VAMP5: variants seen among roughly 807,000 people sequenced by gnomAD.
VAMP5 encodes vesicle associated membrane protein 5.
Under a neutral mutation model 8.1 loss-of-function variants are expected in VAMP5, and 10 were observed. That is an observed-to-expected ratio of 1.23 (90% confidence interval 0.76 to 2.09). VAMP5 has a LOEUF of 2.09. Ranked by LOEUF, VAMP5 falls within the 30% of genes most tolerant of loss-of-function variation. The pLI, the probability that VAMP5 is intolerant of heterozygous loss-of-function variation, is 0.00. For synonymous variants in VAMP5, 62 were observed against 60.6 expected (o/e 1.02, Z -0.11); for missense variants, 135 against 152.5 (o/e 0.89, Z 0.60).
At chr2:85,591,675 A>G in intron 1 of VAMP5, 50 bp from the exon 2 acceptor site, 1 of 1,612,176 alleles carries the variant, frequency 6.2e-7, no homozygotes, top group Non-Finnish European at 8.5e-7. Flanking sequence ...GGGGCAGATG[A>G]GGGCCAGGTG....
intron 1 of VAMP5, among the ~76,000 whole-genome samples, chr2:85,586,433 G>A (rs746205423): frequency 5.3e-5 from 8 of 152,170 alleles, no homozygotes; most frequent in Middle Eastern, 3.4e-3. Flanking sequence ...AAAAATAGCC[G>A]GGTGTGGTGG....
At chr2:85,585,618 C>G (rs1440867479) in intron 1 of VAMP5, among the ~76,000 whole-genome samples, 1 of 152,168 alleles carries the variant, frequency 6.6e-6, no homozygotes, top group Admixed American at 6.5e-5. Context: ...CGGCCCTTAG[C>G]TCTTTGGGAG....
chr2:85,588,842 A>C (rs1672499779), intron 1 of VAMP5, among the ~76,000 whole-genome samples: 1 of 151,636 alleles, frequency 6.6e-6, no homozygotes. Flanking sequence ...GCTCCATGTC[A>C]TCCTTCAAGG....
At chr2:85,584,710 C>T (rs2104041655) in intron 1 of VAMP5, among the ~76,000 whole-genome samples, 1 of 152,378 alleles carries the variant, frequency 6.6e-6, no homozygotes, top group East Asian at 1.9e-4. Context: ...CCTGGCTGCA[C>T]CGCGCAGAGC....
chr2:85,585,668 G>C (rs960625962), intron 1 of VAMP5, among the ~76,000 whole-genome samples: 2 of 152,212 alleles, frequency 1.3e-5, no homozygotes, highest in African/African-American at 4.8e-5. Context: ...ATATTTTATT[G>C]GGGGAGGAGG....
intron 1 of VAMP5, chr2:85,591,511 C>T (rs1043569396): frequency 1.4e-5 from 9 of 630,534 alleles, no homozygotes; most frequent in South Asian, 6.1e-5. Context: ...CCTGCCTTGA[C>T]GTGCAAGGGG....
chr2:85,585,803 C>T (rs1264208768), intron 1 of VAMP5, among the ~76,000 whole-genome samples: 4 of 152,256 alleles, frequency 2.6e-5, no homozygotes, highest in African/African-American at 4.8e-5. Flanking sequence ...CACTCTTGCC[C>T]CTTTAGCGCT....
chr2:85,591,966 T>G, intron 2 of VAMP5, 104 bp downstream of exon 2: 2 of 1,530,296 alleles, frequency 1.3e-6, no homozygotes, highest in Non-Finnish European at 8.9e-7. Flanking sequence ...GAGGCCTTCT[T>G]GAGGGCCAGT....
chr2:85,591,594 C>A, intron 1 of VAMP5, 131 bp from the exon 2 acceptor site: 1 of 1,382,998 alleles, frequency 7.2e-7, no homozygotes, highest in Non-Finnish European at 9.9e-7. Context: ...ACATCATACC[C>A]TTACACGAAG....
At chr2:85,585,371 T>C (rs1255172493) in intron 1 of VAMP5, among the ~76,000 whole-genome samples, 3 of 152,240 alleles carry the variant, frequency 2.0e-5, no homozygotes, top group Admixed American at 1.3e-4. Context: ...TTTAAGATTT[T>C]GCCTTGGAGA....
intron 1 of VAMP5, among the ~76,000 whole-genome samples, chr2:85,589,282 C>T (rs1025562999): frequency 6.6e-6 from 1 of 152,218 alleles, no homozygotes; most frequent in Non-Finnish European, 1.5e-5. Flanking sequence ...CCAGCAGAGA[C>T]CTGTGTATAT....
rs1195704548 is a variant in VAMP5, at chr2:85,591,847, C to T, written c.126C>T (p.Asp42=). The T allele has an allele frequency of 1.2e-6, 2 of 1,614,108 alleles. No homozygotes were observed. Among genetic ancestry groups the T allele is most frequent in the East Asian group, 2.2e-5 (1 of 44,868 alleles). ...TGGCCGAACTGCAGCAGCGTTCAGA[C>T]CAACTCCTGGATATGGTGTGAGGCC... is the stretch of plus-strand genomic sequence containing the variant. ...VKLAELQQRS[D]QLLDMSSTFN... Residue 42 remains aspartate (D), a synonymous_variant, in exon 2 of 3, where the codon GAC becomes GAT. Coordinates refer to ENST00000306384, the MANE Select transcript of VAMP5 (RefSeq NM_006634.3).
At chr2:85,585,408 C>T (rs549499112) in intron 1 of VAMP5, among the ~76,000 whole-genome samples, 2 of 152,264 alleles carry the variant, frequency 1.3e-5, no homozygotes, top group Admixed American at 1.3e-4. Context: ...ATGGATGTGG[C>T]CTGGCTAGGG....
chr2:85,586,611 G>A (rs912311150), intron 1 of VAMP5, among the ~76,000 whole-genome samples: 1 of 150,670 alleles, frequency 6.6e-6, no homozygotes, highest in African/African-American at 2.4e-5. Flanking sequence ...AAAATAACTG[G>A]GTTAATAATA....
At chr2:85,587,563 T>A (rs1325131039) in intron 1 of VAMP5, among the ~76,000 whole-genome samples, 3 of 151,540 alleles carry the variant, frequency 2.0e-5, no homozygotes, top group African/African-American at 4.9e-5. Context: ...TATTGTACAA[T>A]TCTTGAGATC....
At chr2:85,587,053 C>T (rs1241510282) in intron 1 of VAMP5, among the ~76,000 whole-genome samples, 3 of 150,498 alleles carry the variant, frequency 2.0e-5, no homozygotes, top group East Asian at 2.0e-4. Flanking sequence ...CCAGCCTGGG[C>T]GACAGAGTGA....
At position 85,588,877 on chromosome 2, in the gene VAMP5, C is replaced by T. The variant is rs80031615; in HGVS notation, c.4-2848C>T. Among the ~76,000 whole-genome samples the T allele has an allele frequency of 3.9e-4, 60 of 152,300 alleles. 1 individual carries two copies. In the East Asian group the frequency reaches 0.01, roughly 26 times the overall value. ...GGGTCACCCGCCCCCACCATGGCAC[C>T]CTCTCTGTGGCAGCTCTGATACTTA... On this transcript the variant is annotated intron_variant, in intron 1 of 2. Coordinates refer to ENST00000306384, the MANE Select transcript of VAMP5 (RefSeq NM_006634.3).
chr2:85,590,233 G>A (rs1672519319), intron 1 of VAMP5, among the ~76,000 whole-genome samples: 1 of 152,186 alleles, frequency 6.6e-6, no homozygotes, highest in Non-Finnish European at 1.5e-5. Context: ...TCAAATGCCT[G>A]CCCCTCGAAA....
chr2:85,592,969 A>G lies in VAMP5; in HGVS notation c.163A>G (p.Thr55Ala). 6.2e-7 allele frequency: 1 copy of G among 1,614,026 alleles called. No homozygotes were observed. The highest frequency in any genetic ancestry group is 1.1e-5 in the South Asian group (1 of 91,072). The change falls in exon 3 of 3, where the codon ACA (threonine) becomes GCA (alanine). Residue 55 changes from threonine to alanine, a missense_variant. Coordinates refer to ENST00000306384, the MANE Select transcript of VAMP5 (RefSeq NM_006634.3). ...LDMSSTFNKT[T>A]QNLAQKKCWE... ...GCAGAGCTCAACCTTCAACAAGACT[A>G]CACAGAACCTGGCCCAGAAGAAGTG...
Sources: gnomAD v4.1 joint callset for allele counts (sites outside exome capture counted in the v4.1 genomes callset) on GRCh38, gnomAD v4.1.1 for gene constraint, MANE v1.5 for transcripts, NCBI Gene and HGNC (gene_info 2026-07-23, HGNC 2026-07-21) for gene names.